Variants in RASSF8 observed in about 807,000 individuals in gnomAD.
RASSF8 encodes Ras association domain family member 8.
In RASSF8, 22 loss-of-function variants were observed where a neutral mutation model predicts 48.5. The ratio of observed to expected loss-of-function variants is 0.45; its 90% confidence interval spans 0.32 to 0.65. The LOEUF is 0.65. RASSF8 is among the 30% of genes least tolerant of loss of function. The pLI, the probability that RASSF8 is intolerant of heterozygous loss-of-function variation, is 0.03. For synonymous variants in RASSF8, 127 were observed against 171.5 expected (o/e 0.74, Z 2.03); for missense variants, 418 against 489.2 (o/e 0.85, Z 1.37).
intron 2 of RASSF8, among the ~76,000 whole-genome samples, chr12:26,037,534 C>T (rs113117265): frequency 2.0e-5 from 3 of 152,178 alleles, no homozygotes; most frequent in African/African-American, 7.2e-5. Context: ...AATCTTCATT[C>T]CATTTTTAAA....
chr12:26,024,798 A>G (rs560342490), intron 2 of RASSF8, among the ~76,000 whole-genome samples: 1 of 152,028 alleles, frequency 6.6e-6, no homozygotes, highest in African/African-American at 2.4e-5. Context: ...CTACTAAAAA[A>G]TACAAAAAAT....
intron 1 of RASSF8, among the ~76,000 whole-genome samples, chr12:25,962,574 C>T (rs1874349): frequency 6.6e-6 from 1 of 151,804 alleles, no homozygotes; most frequent in Admixed American, 6.6e-5. Context: ...TGAGTAAGAT[C>T]GTAATATCAG....
At chr12:26,002,012 G>A (rs537170147) in intron 2 of RASSF8, among the ~76,000 whole-genome samples, 8 of 152,348 alleles carry the variant, frequency 5.3e-5, no homozygotes, top group South Asian at 4.1e-4. Context: ...TGGCTACGCC[G>A]TCACTAGGCC....
intron 2 of RASSF8, among the ~76,000 whole-genome samples, chr12:26,035,330 A>G (rs958849864): frequency 6.0e-5 from 9 of 150,090 alleles, no homozygotes; most frequent in African/African-American, 2.0e-4. Context: ...TTATTGTAAG[A>G]GAAAAAATTT....
intron 1 of RASSF8, among the ~76,000 whole-genome samples, chr12:25,973,128 C>T (rs1271825001): frequency 6.6e-6 from 1 of 152,106 alleles, no homozygotes; most frequent in Non-Finnish European, 1.5e-5. Context: ...CATGCTTGAA[C>T]TCCTGGGTTC....
chr12:25,966,850 T>A (rs1941371638), intron 1 of RASSF8, among the ~76,000 whole-genome samples: 1 of 152,224 alleles, frequency 6.6e-6, no homozygotes, highest in Non-Finnish European at 1.5e-5. Flanking sequence ...TAAGAAATCT[T>A]TGCCTAGCCT....
At chr12:26,039,015 G>T (rs929306482) in intron 2 of RASSF8, among the ~76,000 whole-genome samples, 13 of 151,826 alleles carry the variant, frequency 8.6e-5, no homozygotes, top group African/African-American at 2.9e-4. Context: ...TATTTTAATT[G>T]TTTCACAGTG....
chr12:26,065,001 G>C lies in RASSF8; in HGVS notation c.607G>C (p.Glu203Gln), dbSNP rs145936448. 8.2e-4 allele frequency: 1,330 copies of C among 1,613,008 alleles called. 7 individuals are homozygous for C. The highest frequency in any genetic ancestry group is 9.3e-4 in the Non-Finnish European group (1,096 of 1,179,722). Residue 203 changes from glutamate to glutamine, a missense_variant, in exon 4 of 6, where the codon GAA (glutamate) becomes CAA (glutamine). Glu to Gln is a conservative substitution (Grantham distance 29, BLOSUM62 2). Coordinates refer to ENST00000689635, the MANE Select transcript of RASSF8 (RefSeq NM_001394098.1). ...GGAGCAAAAGTATAATTCCAACCTT[G>C]AAGAGGAAATTGTCCGTCTAGAGCA... ...FWEQKYNSNL[E>Q]EEIVRLEQKI...
chr12:25,993,930 TAATC>T (rs1159845680), intron 1 of RASSF8, among the ~76,000 whole-genome samples: 2 of 152,160 alleles, frequency 1.3e-5, no homozygotes. Context: ...ATGTAAAAAA[TAATC>T]AGGAAGCCAT....
At chr12:26,057,382 G>T (rs2137254424) in intron 3 of RASSF8, among the ~76,000 whole-genome samples, 1 of 152,188 alleles carries the variant, frequency 6.6e-6, no homozygotes, top group East Asian at 1.9e-4. Context: ...GTGGTGTTTG[G>T]TTTTCTGTCC....
intron 2 of RASSF8, among the ~76,000 whole-genome samples, chr12:26,023,653 C>T (rs1033694954): frequency 3.3e-5 from 5 of 149,928 alleles, no homozygotes; most frequent in Admixed American, 1.3e-4. Context: ...AATTTGAATC[C>T]GCATTAAAAA....
Position 26,071,876 on chromosome 12 carries a change from T to TA in RASSF8, c.*3060dup, listed in dbSNP as rs572704990. On this transcript the variant is annotated 3_prime_UTR_variant, in exon 6 of 6. Coordinates refer to ENST00000689635, the MANE Select transcript of RASSF8 (RefSeq NM_001394098.1). Reference sequence around the variant, plus strand: ...TATAGCAATATATAACAAGAACATGTAAGCACTTGCTTCCACAGCATAAAT... The same window carrying TA: ...TATAGCAATATATAACAAGAACATGTAAAGCACTTGCTTCCACAGCATAAAT... 1.4e-4 allele frequency: 137 copies of TA among 984,772 alleles called. 1 individual carries two copies. The African/African-American group carries it at 2.2e-3, about 16-fold the overall frequency. The allele number at this position is 984,772 out of a possible 1,614,324, so 61.0% of individuals were successfully genotyped here.
intron 2 of RASSF8, among the ~76,000 whole-genome samples, chr12:25,999,451 A>G (rs16929860): frequency 0.12 from 18,819 of 152,224 alleles, 1,551 homozygotes; most frequent in Admixed American, 0.19. Flanking sequence ...AGTAGTGTCT[A>G]AAATAGCACT....
chr12:26,071,814 T>TAA lies in RASSF8; in HGVS notation c.*3005_*3006dup. 1.1e-6 allele frequency: 1 copy of TAA among 952,330 alleles called. No individual in the cohort carries two copies. Among genetic ancestry groups the TAA allele is most frequent in the Non-Finnish European group, 1.2e-6 (1 of 800,568 alleles). 59.0% of individuals were successfully genotyped at this position (952,330 alleles called of 1,614,324 possible). ...TAGAGTAAAAACTATATAAATACAG[T>TAA]AAAAAAAAAATAGAATTTATGGTGT... On this transcript the variant is annotated 3_prime_UTR_variant, in exon 6 of 6. Coordinates refer to ENST00000689635, the MANE Select transcript of RASSF8 (RefSeq NM_001394098.1).
chr12:26,073,208 A>C (rs1304835973), downstream of RASSF8, among the ~76,000 whole-genome samples: 1 of 152,228 alleles, frequency 6.6e-6, no homozygotes, highest in Non-Finnish European at 1.5e-5. Context: ...GTCACACTTT[A>C]AACATTCACA....
At position 26,071,339 on chromosome 12, in the gene RASSF8, A is replaced by T; in HGVS notation, c.*2521A>T. ...GCAATGGTATACAAAAATACCAAAT[A>T]TAAAATTTTCATCTGGGGGAATGTT... On this transcript the variant is annotated 3_prime_UTR_variant, in exon 6 of 6. Transcript: ENST00000689635. 1.0e-6 allele frequency: 1 copy of T among 970,610 alleles called. No homozygotes were observed. 60.1% of individuals were successfully genotyped at this position (970,610 alleles called of 1,614,324 possible).
intron 1 of RASSF8, among the ~76,000 whole-genome samples, chr12:25,963,874 T>C (rs2136824502): frequency 6.6e-6 from 1 of 152,350 alleles, no homozygotes; most frequent in Non-Finnish European, 1.5e-5. Context: ...ATATATTTGC[T>C]TCACAAAAGA....
intron 2 of RASSF8, among the ~76,000 whole-genome samples, chr12:26,017,583 A>T (rs1942680955): frequency 6.6e-6 from 1 of 152,152 alleles, no homozygotes; most frequent in South Asian, 2.1e-4. Flanking sequence ...AATCCACTTT[A>T]CTAGGGAGGT....
At chr12:25,964,564 C>G (rs1303165117) in intron 1 of RASSF8, among the ~76,000 whole-genome samples, 1 of 152,142 alleles carries the variant, frequency 6.6e-6, no homozygotes, top group Non-Finnish European at 1.5e-5. Context: ...AGTGCTAAAT[C>G]ATGTTTATCC....
Sources: gnomAD v4.1 joint callset for allele counts (sites outside exome capture counted in the v4.1 genomes callset) on GRCh38, gnomAD v4.1.1 for gene constraint, MANE v1.5 for transcripts, NCBI Gene and HGNC (gene_info 2026-07-23, HGNC 2026-07-21) for gene names.